DTNB: variants seen among roughly 807,000 people sequenced by gnomAD.
The protein encoded by DTNB is DTN-B.
In DTNB, 63 loss-of-function variants were observed where a neutral mutation model predicts 90.7. The ratio of observed to expected loss-of-function variants is 0.69; its 90% CI spans 0.57 to 0.86. The LOEUF is 0.86. Among genes scored for constraint, DTNB ranks in the 40% least tolerant of loss-of-function variants. DTNB has a pLI of 0.00. For synonymous variants in DTNB, 277 were observed against 286.7 expected, an observed-to-expected ratio of 0.97 and a Z score of 0.34; for missense variants, 744 against 807.1, an observed-to-expected ratio of 0.92 and a Z score of 0.95.
At chr2:25,534,014 G>A (rs1053713755) in intron 8 of DTNB, among the ~76,000 whole-genome samples, 1 of 145,432 alleles carries the variant, frequency 6.9e-6, no homozygotes, top group Non-Finnish European at 1.5e-5. Flanking sequence ...TTTTTTTTAA[G>A]TATTTATTGA....
intron 1 of DTNB, among the ~76,000 whole-genome samples, chr2:25,661,113 T>C (rs543818590): frequency 6.6e-6 from 1 of 152,266 alleles, no homozygotes; most frequent in Non-Finnish European, 1.5e-5. Context: ...GGTGCCTGTT[T>C]ATGTCTTTTG....
chr2:25,567,518 T>C (rs923169326), intron 8 of DTNB, among the ~76,000 whole-genome samples: 17 of 152,190 alleles, frequency 1.1e-4, no homozygotes, highest in African/African-American at 3.9e-4. Context: ...TTAACAGAGA[T>C]TGTTAAAGAA....
chr2:25,624,628 A>G (rs1347849639), intron 4 of DTNB, among the ~76,000 whole-genome samples: 3 of 152,190 alleles, frequency 2.0e-5, no homozygotes, highest in Non-Finnish European at 4.4e-5. Flanking sequence ...ACAGCTAAAG[A>G]CACTGGACTA....
At chr2:25,556,540 T>C (rs138232728) in intron 8 of DTNB, among the ~76,000 whole-genome samples, 159 of 152,348 alleles carry the variant, frequency 1.0e-3, no homozygotes, top group African/African-American at 3.6e-3. Context: ...ACGTTGATTA[T>C]GTGTAGCAGG....
intron 9 of DTNB, among the ~76,000 whole-genome samples, chr2:25,527,998 A>G (rs1369320879): frequency 6.6e-6 from 1 of 152,228 alleles, no homozygotes; most frequent in Non-Finnish European, 1.5e-5. Context: ...ACATAGCCAA[A>G]ATCTAAACAA....
intron 16 of DTNB, among the ~76,000 whole-genome samples, chr2:25,402,771 G>A (rs2044076547): frequency 6.6e-6 from 1 of 152,190 alleles, no homozygotes; most frequent in Non-Finnish European, 1.5e-5. Context: ...TAGGACTGCT[G>A]GATGATTTGT....
At chr2:25,474,737 G>A (rs1041544243) in intron 10 of DTNB, among the ~76,000 whole-genome samples, 5 of 152,178 alleles carry the variant, frequency 3.3e-5, no homozygotes, top group African/African-American at 1.2e-4. Flanking sequence ...GCAACCCTGA[G>A]TTGAGCAAGG....
At chr2:25,483,299 T>C (rs532353242) in intron 9 of DTNB, among the ~76,000 whole-genome samples, 2 of 152,310 alleles carry the variant, frequency 1.3e-5, no homozygotes, top group African/African-American at 4.8e-5. Flanking sequence ...GATTACTAGG[T>C]GTCTGGCATT....
rs759104991 is a variant in DTNB at position 25,432,939 on chromosome 2, G to C, written c.1404C>G (p.Thr468=). 6 of 1,611,094 alleles carry C rather than the reference G, an allele frequency of 3.7e-6. No homozygotes were observed. The highest frequency in any genetic ancestry group is 5.1e-6 in the Non-Finnish European group (6 of 1,179,370). Residue 468 remains threonine (T), a synonymous_variant, in exon 14 of 21, where the codon ACC becomes ACG. Transcript: ENST00000406818. ...TGGGGTTCTGCTGTGCCTTCTCAGG[G>C]GTGGGCTGGGAGGCCTGCTCGTGTT... ...RLEHEQASQP[T]PEKAQQNPTL...
intron 3 of DTNB, among the ~76,000 whole-genome samples, chr2:25,634,461 C>T (rs1233180332): frequency 6.6e-6 from 1 of 150,482 alleles, no homozygotes; most frequent in Admixed American, 6.6e-5. Context: ...CCCGGCCAGT[C>T]GCCCCGTCGG....
chr2:25,439,142 T>A (rs893303556), intron 12 of DTNB, among the ~76,000 whole-genome samples: 5 of 152,326 alleles, frequency 3.3e-5, no homozygotes, highest in African/African-American at 1.2e-4. Context: ...GGACTTTAGT[T>A]AATAATAATG....
At chr2:25,605,877 G>T (rs1327798730) in intron 5 of DTNB, among the ~76,000 whole-genome samples, 1 of 152,022 alleles carries the variant, frequency 6.6e-6, no homozygotes, top group African/African-American at 2.4e-5. Flanking sequence ...TCAGCCCAAA[G>T]AATATTTTGG....
At chr2:25,492,451 G>C (rs926870520) in intron 9 of DTNB, among the ~76,000 whole-genome samples, 1 of 152,186 alleles carries the variant, frequency 6.6e-6, no homozygotes, top group Non-Finnish European at 1.5e-5. Flanking sequence ...TTGGCTTTCT[G>C]AATTAACTTA....
intron 1 of DTNB, among the ~76,000 whole-genome samples, chr2:25,664,749 T>C (rs896633067): frequency 2.6e-5 from 4 of 152,184 alleles, no homozygotes; most frequent in African/African-American, 4.8e-5. Flanking sequence ...TTAGGGGTGT[T>C]AGAAGTAGAG....
chr2:25,534,945 A>G (rs568808232), intron 8 of DTNB, among the ~76,000 whole-genome samples: 1 of 138,844 alleles, frequency 7.2e-6, no homozygotes. Context: ...GGGTGGGCAG[A>G]GGCGCTCCTT....
chr2:25,481,504 C>G (rs1278451541), intron 10 of DTNB: 2 of 152,140 alleles, frequency 1.3e-5, no homozygotes, highest in East Asian at 3.8e-4. Flanking sequence ...AGTCCATGCT[C>G]TGGTGCCCTG....
At chr2:25,480,539 T>C (rs1032558404) in intron 10 of DTNB, among the ~76,000 whole-genome samples, 11 of 152,192 alleles carry the variant, frequency 7.2e-5, no homozygotes, top group Non-Finnish European at 1.0e-4. Context: ...GAGGTGGCTA[T>C]GATTATTACT....
intron 7 of DTNB, among the ~76,000 whole-genome samples, chr2:25,579,603 T>C (rs1483136155): frequency 6.6e-6 from 1 of 151,552 alleles, no homozygotes; most frequent in East Asian, 1.9e-4. Flanking sequence ...AATTAAGAAG[T>C]CACTAAGAGA....
chr2:25,626,116 G>T (rs1229926457), intron 4 of DTNB, among the ~76,000 whole-genome samples: 1 of 152,156 alleles, frequency 6.6e-6, no homozygotes, highest in South Asian at 2.1e-4. Flanking sequence ...GAGCAGCCCA[G>T]TAGACTAAAG....
Sources: gnomAD v4.1 joint callset for allele counts (sites outside exome capture counted in the v4.1 genomes callset) on GRCh38, gnomAD v4.1.1 for gene constraint, MANE v1.5 for transcripts, NCBI Gene and HGNC (gene_info 2026-07-23, HGNC 2026-07-21) for gene names.